NEMF: variants seen among roughly 807,000 people sequenced by gnomAD.
NEMF encodes the protein nuclear export mediator factor, also known as ribosome quality control complex subunit NEMF.
In NEMF, 89 loss-of-function variants were observed where a neutral mutation model predicts 162.2. The observed-to-expected ratio is 0.55, with a 90% CI of 0.46 to 0.65. The LOEUF is 0.65. NEMF is among the 30% of genes least tolerant of loss of function. The pLI, the probability that NEMF is intolerant of heterozygous loss-of-function variation, is 0.00. For missense variants in NEMF, 1,133 were observed against 1,261.9 expected (o/e 0.90, Z 1.55); for synonymous variants, 421 against 404.5 (o/e 1.04, Z -0.49).
chr14:49,794,262 A>G (rs1044922370), intron 26 of NEMF, among the ~76,000 whole-genome samples: 1 of 152,186 alleles, frequency 6.6e-6, no homozygotes, highest in African/African-American at 2.4e-5. Context: ...ATAAATTTAC[A>G]ATTATTTTAT....
Position 49,806,001 on chromosome 14 carries a change from A to G in NEMF, c.1857+20T>C, listed in dbSNP as rs1006592740. On this transcript the variant is annotated intron_variant, in intron 19 of 32. Coordinates refer to ENST00000298310, the MANE Select transcript of NEMF (RefSeq NM_004713.6). ...AGTAGCTCTTAGTAAATTAAGAAAA[A>G]GGACAAGAGCCCTTATTACCTGATG... The G allele has an allele frequency of 2.6e-6, 4 of 1,542,452 alleles. No homozygotes were observed. Among genetic ancestry groups the G allele is most frequent in the Admixed American group, 1.8e-5 (1 of 56,948 alleles).
At chr14:49,818,537 G>C (rs1242752125) in intron 16 of NEMF, 1 of 152,156 alleles carries the variant, frequency 6.6e-6, no homozygotes, top group Non-Finnish European at 1.5e-5. Context: ...GAAAACAGGA[G>C]GACTGGCTGA....
At chr14:49,792,556 G>C (rs1307598530) in intron 26 of NEMF, among the ~76,000 whole-genome samples, 1 of 152,148 alleles carries the variant, frequency 6.6e-6, no homozygotes, top group Non-Finnish European at 1.5e-5. Context: ...GAAAAAGAGG[G>C]AAAGGTCCTA....
At chr14:49,825,818 T>C (rs1252384404) in intron 16 of NEMF, 49 bp downstream of exon 16, 1 of 1,237,484 alleles carries the variant, frequency 8.1e-7, no homozygotes, top group Non-Finnish European at 1.2e-6. Flanking sequence ...TGTGCATGGA[T>C]AATTTTAATA....
chr14:49,835,218 C>CAAA lies in NEMF; in HGVS notation c.575-772_575-770dup, dbSNP rs55826615. On this transcript the variant is annotated intron_variant, in intron 6 of 32. Transcript: ENST00000298310. ...TCCGTCCCCCGCCCCACCCCGCAAC[C>CAAA]AAAAAAAAAAAAAAAAATGACAATT... Among the ~76,000 whole-genome samples, 56 of 132,912 alleles carry CAAA rather than the reference C, an allele frequency of 4.2e-4. 1 individual carries two copies. Among genetic ancestry groups the CAAA allele is most frequent in the Non-Finnish European group, 7.0e-4 (45 of 63,950 alleles). 87.2% of individuals were successfully genotyped at this position (132,912 alleles called of 152,430 possible).
chr14:49,838,099 G>A, intron 6 of NEMF, 40 bp downstream of exon 6: 4 of 1,492,226 alleles, frequency 2.7e-6, no homozygotes, highest in Non-Finnish European at 3.7e-6. Context: ...AAACCACACT[G>A]CCTTGCAAAC....
chr14:49,824,540 G>A (rs1042487285), intron 16 of NEMF, among the ~76,000 whole-genome samples: 7 of 35,136 alleles, frequency 2.0e-4, no homozygotes, highest in South Asian at 3.1e-3. Flanking sequence ...GTGAAATTCC[G>A]TCTCAAAAAA....
In NEMF at chr14:49,851,834, T is replaced by TA; in HGVS notation, c.100_101insT (p.Asn34IlefsTer2). ...TTGAAGACGAATAAGGTATGTCTTA[T>TA]TATCCACATCATAAACATTGTTTAC... On this transcript the variant is annotated frameshift_variant, in exon 2 of 33. Transcript: ENST00000298310. LOFTEE classifies it high-confidence loss of function. 6.3e-7 allele frequency: 1 copy of TA among 1,586,562 alleles called. No homozygotes were observed. The highest frequency in any genetic ancestry group is 8.6e-7 in the Non-Finnish European group (1 of 1,162,438).
At chr14:49,837,232 C>T (rs549532469) in intron 6 of NEMF, among the ~76,000 whole-genome samples, 4 of 152,270 alleles carry the variant, frequency 2.6e-5, no homozygotes, top group Admixed American at 1.3e-4. Context: ...GCTGAGACTG[C>T]ACCACTGCAC....
chr14:49,802,486 T>C lies in NEMF; in HGVS notation c.2062A>G (p.Ser688Gly), dbSNP rs758380991. ...EDMETLASCTSELISEEMEQL... is the reference protein window; with the variant it reads ...EDMETLASCTGELISEEMEQL... ...TCCATTTCTTCTGATATGAGTTCAC[T>C]TGTACAACTTGCCAGTGTCTCCATG... The change falls in exon 22 of 33, where the codon AGT becomes GGT. Residue 688 changes from serine (S) to glycine (G), a missense_variant. By Grantham distance (56) the Ser-to-Gly change is moderately conservative (BLOSUM62 0). Coordinates refer to ENST00000298310, the MANE Select transcript of NEMF (RefSeq NM_004713.6). 5 of 1,613,910 alleles carry C rather than the reference T, an allele frequency of 3.1e-6. No homozygotes were observed. Among genetic ancestry groups the C allele is most frequent in the African/African-American group, 2.7e-5 (2 of 74,932 alleles).
At chr14:49,823,935 G>C (rs7160493) in intron 16 of NEMF, among the ~76,000 whole-genome samples, 12,992 of 152,204 alleles carry the variant, frequency 0.085, 837 homozygotes, top group Admixed American at 0.21. Context: ...TTGGGAGGCT[G>C]AGGCGGGCAG....
At chr14:49,802,888 T>C (rs1390882492) in intron 20 of NEMF, among the ~76,000 whole-genome samples, 161 bp from the exon 21 acceptor site, 1 of 152,204 alleles carries the variant, frequency 6.6e-6, no homozygotes, top group Non-Finnish European at 1.5e-5. Flanking sequence ...CTGGGCAGTA[T>C]GTATAGGAAC....
At chr14:49,824,875 G>A (rs1767432021) in intron 16 of NEMF, among the ~76,000 whole-genome samples, 1 of 152,144 alleles carries the variant, frequency 6.6e-6, no homozygotes, top group African/African-American at 2.4e-5. Context: ...TTCCAAAACA[G>A]AGAAGGATAA....
At chr14:49,817,387 C>A (rs1222280623) in intron 16 of NEMF, among the ~76,000 whole-genome samples, 1 of 152,096 alleles carries the variant, frequency 6.6e-6, no homozygotes, top group African/African-American at 2.4e-5. Context: ...TTGCAATGAG[C>A]CAAGATTGCA....
chr14:49,805,164 G>C (rs1566664255), intron 19 of NEMF, among the ~76,000 whole-genome samples: 1 of 152,040 alleles, frequency 6.6e-6, no homozygotes, highest in Non-Finnish European at 1.5e-5. Context: ...CCCCCTATAT[G>C]ACAATATCAC....
At chr14:49,836,314 T>C (rs964235769) in intron 6 of NEMF, among the ~76,000 whole-genome samples, 1 of 151,900 alleles carries the variant, frequency 6.6e-6, no homozygotes, top group East Asian at 1.9e-4. Flanking sequence ...CAAAATCCTA[T>C]GAGGCTTTTT....
At chr14:49,836,140 G>A (rs764554044) in intron 6 of NEMF, among the ~76,000 whole-genome samples, 1 of 152,152 alleles carries the variant, frequency 6.6e-6, no homozygotes, top group Non-Finnish European at 1.5e-5. Flanking sequence ...CTTAGTGGGT[G>A]TAGTGGCATA....
rs1202050412 is a variant in NEMF at position 49,784,956 on chromosome 14, G to C, written c.3122C>G (p.Ala1041Gly). 1 of 1,613,724 alleles carries C rather than the reference G, an allele frequency of 6.2e-7. No individual in the cohort carries two copies. Among genetic ancestry groups the C allele is most frequent in the South Asian group, 1.1e-5 (1 of 91,048 alleles). The change falls in exon 32 of 33, where the codon GCA becomes GGA. Residue 1041 changes from alanine to glycine, a missense_variant. By Grantham distance (60) the Ala-to-Gly change is moderately conservative. Transcript: ENST00000298310. ...GCTGCGGAATAAGTCTTTTTCTCTT[G>C]CTGTTGCTTCTTTGGAATGCATGAA... ...NSFMHSKEATAREKDLFRSVK... is the reference protein window; with the variant it reads ...NSFMHSKEATGREKDLFRSVK...
At position 49,840,754 on chromosome 14, in the gene NEMF, TG is replaced by T; in HGVS notation, c.469del (p.His157MetfsTer14). The T allele has an allele frequency of 1.2e-6, 2 of 1,614,050 alleles. No individual in the cohort carries two copies. The highest frequency in any genetic ancestry group is 1.7e-6 in the Non-Finnish European group (2 of 1,180,000). ...FAVRERYPLD[H>X]ARAAEPLLTL... ...AAGCAAAGGTTCAGCAGCTCTAGCATGATCAAGTGGATAGCGTTCACGAACA... is the reference window on the plus strand; with the variant it reads ...AAGCAAAGGTTCAGCAGCTCTAGCATATCAAGTGGATAGCGTTCACGAACA... On this transcript the variant is annotated frameshift_variant, in exon 5 of 33. Transcript: ENST00000298310. LOFTEE classifies it high-confidence loss of function.
Sources: allele counts gnomAD v4.1 joint callset (sites outside exome capture counted in the v4.1 genomes callset), GRCh38; gene constraint gnomAD v4.1.1; transcripts MANE v1.5; gene names NCBI Gene and HGNC (gene_info 2026-07-23, HGNC 2026-07-21).